CEP112: variants seen among roughly 807,000 people sequenced by gnomAD.
CEP112 encodes centrosomal protein of 112 kDa.
In CEP112, 127 loss-of-function variants were observed where a neutral mutation model predicts 153.0. The ratio of observed to expected loss-of-function variants is 0.83; its 90% CI spans 0.72 to 0.96. The LOEUF (loss-of-function observed/expected upper bound fraction) is 0.96. Ranked by LOEUF, CEP112 falls within the 40% of genes least tolerant of loss-of-function variation. CEP112 has a pLI of 0.00. For synonymous variants in CEP112, 358 were observed against 374.4 expected (o/e 0.96, Z 0.51); for missense variants, 1,089 against 1,101.2 (o/e 0.99, Z 0.16).
At chr17:65,643,177 C>G (rs778537660) in intron 24 of CEP112, among the ~76,000 whole-genome samples, 14 of 152,234 alleles carry the variant, frequency 9.2e-5, no homozygotes, top group Non-Finnish European at 1.6e-4. Flanking sequence ...GCCTTGGATC[C>G]TTGCTCATAG....
chr17:65,656,190 G>A (rs2046054595), intron 24 of CEP112, among the ~76,000 whole-genome samples: 1 of 152,204 alleles, frequency 6.6e-6, no homozygotes, highest in African/African-American at 2.4e-5. Context: ...GTCAAAGGAT[G>A]CAGACTCTCT....
intron 21 of CEP112, among the ~76,000 whole-genome samples, chr17:65,837,509 G>C (rs2057360014): frequency 6.6e-6 from 1 of 152,018 alleles, no homozygotes; most frequent in African/African-American, 2.4e-5. Flanking sequence ...CGTCTGGGAG[G>C]TGAGGAGCGT....
chr17:65,677,836 C>A (rs549487329), intron 24 of CEP112, among the ~76,000 whole-genome samples: 22 of 152,204 alleles, frequency 1.4e-4, no homozygotes, highest in African/African-American at 5.3e-4. Flanking sequence ...TAGCTTGAAC[C>A]CGGGAGGCAG....
intron 24 of CEP112, among the ~76,000 whole-genome samples, chr17:65,683,309 A>T (rs2047618921): frequency 6.6e-6 from 1 of 152,230 alleles, no homozygotes; most frequent in African/African-American, 2.4e-5. Context: ...TTAAAGTGTG[A>T]CTTTTAGCTA....
At chr17:65,928,021 A>G (rs1048943947) in intron 18 of CEP112, among the ~76,000 whole-genome samples, 1 of 152,198 alleles carries the variant, frequency 6.6e-6, no homozygotes, top group Non-Finnish European at 1.5e-5. Context: ...ATATTTCCAA[A>G]TCATATCTCT....
chr17:66,094,847 T>C (rs1246579834), intron 8 of CEP112, among the ~76,000 whole-genome samples: 3 of 152,118 alleles, frequency 2.0e-5, no homozygotes, highest in Non-Finnish European at 2.9e-5. Flanking sequence ...AGGATCTGAA[T>C]AGACATTCCT....
At chr17:66,166,132 G>A (rs535358504) in intron 4 of CEP112, among the ~76,000 whole-genome samples, 1 of 152,136 alleles carries the variant, frequency 6.6e-6, no homozygotes, top group East Asian at 1.9e-4. Flanking sequence ...AAAAATAGTA[G>A]GTAGTTAATA....
chr17:66,185,129 G>T (rs932440972), intron 1 of CEP112, among the ~76,000 whole-genome samples: 2 of 151,984 alleles, frequency 1.3e-5, no homozygotes, highest in African/African-American at 4.8e-5. Flanking sequence ...TGGCATGTTG[G>T]AATTTTTCTG....
At chr17:65,901,992 G>T (rs59631702) in intron 20 of CEP112, among the ~76,000 whole-genome samples, 160 bp downstream of exon 20, 41 of 42,582 alleles carry the variant, frequency 9.6e-4, no homozygotes, top group African/African-American at 1.7e-3. Context: ...ACGGGGGGGG[G>T]GGGGGGTGGG....
At chr17:66,008,092 C>T (rs145161598) in intron 16 of CEP112, among the ~76,000 whole-genome samples, 281 of 152,204 alleles carry the variant, frequency 1.8e-3, no homozygotes, top group African/African-American at 6.5e-3. Flanking sequence ...TAAAATTATA[C>T]ATCTTTGAGG....
chr17:65,851,429 A>G (rs2057928729), intron 21 of CEP112, among the ~76,000 whole-genome samples: 1 of 152,246 alleles, frequency 6.6e-6, no homozygotes, highest in Non-Finnish European at 1.5e-5. Context: ...TGCTTATTAG[A>G]CAACTGAGGG....
At chr17:65,849,125 T>C (rs2057831682) in intron 21 of CEP112, among the ~76,000 whole-genome samples, 1 of 152,242 alleles carries the variant, frequency 6.6e-6, no homozygotes, top group Non-Finnish European at 1.5e-5. Context: ...CTTAGCTTGG[T>C]TGCTAGCTCT....
chr17:65,638,429 C>T (rs115493786), intron 25 of CEP112, among the ~76,000 whole-genome samples: 55 of 152,224 alleles, frequency 3.6e-4, no homozygotes, highest in African/African-American at 1.2e-3. Context: ...CGGTTGATCC[C>T]GAAACATAGT....
chr17:66,188,915 G>A (rs2073055285), intron 1 of CEP112, among the ~76,000 whole-genome samples: 1 of 152,034 alleles, frequency 6.6e-6, no homozygotes, highest in African/African-American at 2.4e-5. Flanking sequence ...TGTACTCCGG[G>A]GCTTAAAGAC....
At chr17:65,881,401 GGTGTGTGT>G (rs34374244) in intron 20 of CEP112, among the ~76,000 whole-genome samples, 2 of 150,382 alleles carry the variant, frequency 1.3e-5, no homozygotes, top group Non-Finnish European at 3.0e-5. Context: ...GCAGAAAACA[GGTGTGTGT>G]GTGTGTGTGT....
intron 18 of CEP112, among the ~76,000 whole-genome samples, chr17:65,956,752 C>T (rs1408179376): frequency 1.3e-5 from 2 of 151,850 alleles, no homozygotes; most frequent in Non-Finnish European, 2.9e-5. Context: ...AACCAAGCAC[C>T]ACCTGTGCCC....
intron 16 of CEP112, among the ~76,000 whole-genome samples, chr17:66,011,124 T>C (rs2064508799): frequency 1.3e-5 from 2 of 152,162 alleles, no homozygotes; most frequent in African/African-American, 4.8e-5. Context: ...TTATTACTGA[T>C]TTAATTATGT....
chr17:66,044,533 C>G (rs758036232), intron 12 of CEP112, among the ~76,000 whole-genome samples: 10 of 152,058 alleles, frequency 6.6e-5, no homozygotes, highest in Non-Finnish European at 1.3e-4. Context: ...TATTATTTAG[C>G]CTTTAAAAAG....
At chr17:66,138,400 G>T (rs1168393421) in intron 4 of CEP112, among the ~76,000 whole-genome samples, 2 of 152,094 alleles carry the variant, frequency 1.3e-5, no homozygotes, top group Non-Finnish European at 2.9e-5. Context: ...ACTCAAATAA[G>T]ACAAACGTTA....
Sources: gnomAD v4.1 joint callset for allele counts (sites outside exome capture counted in the v4.1 genomes callset) on GRCh38, gnomAD v4.1.1 for gene constraint, MANE v1.5 for transcripts, NCBI Gene and HGNC (gene_info 2026-07-23, HGNC 2026-07-21) for gene names.